Variants in PRKCE observed in about 807,000 individuals in gnomAD.
PRKCE encodes the protein protein kinase C epsilon.
A neutral mutation model predicts 85.4 loss-of-function variants in PRKCE; 16 were observed. The observed-to-expected ratio is 0.19, with a 90% CI of 0.13 to 0.28. PRKCE has a LOEUF of 0.28. Ranked by LOEUF, PRKCE falls within the 10% of genes least tolerant of loss-of-function variation. PRKCE has a pLI of 1.00. For missense variants in PRKCE, 573 were observed against 975.2 expected, an observed-to-expected ratio of 0.59 and a Z score of 5.49; for synonymous variants, 388 against 371.5, an observed-to-expected ratio of 1.04 and a Z score of -0.51.
intron 6 of PRKCE, among the ~76,000 whole-genome samples, chr2:45,984,934 TC>T (rs776111299): frequency 2.6e-5 from 4 of 152,108 alleles, no homozygotes; most frequent in Non-Finnish European, 5.9e-5. Flanking sequence ...TCACTCACAA[TC>T]TGGGGAGACA....
At chr2:45,662,128 C>A (rs971988439) in intron 1 of PRKCE, among the ~76,000 whole-genome samples, 4 of 152,090 alleles carry the variant, frequency 2.6e-5, no homozygotes, top group African/African-American at 7.2e-5. Context: ...TCATTTGGTA[C>A]AGTGCTGAAA....
intron 2 of PRKCE, among the ~76,000 whole-genome samples, chr2:45,881,235 G>C (rs961381084): frequency 5.9e-5 from 9 of 151,688 alleles, no homozygotes; most frequent in African/African-American, 1.9e-4. Context: ...ACCTTCTCCT[G>C]CTCTGTAGTA....
At chr2:46,116,445 A>G (rs1219007319) in intron 11 of PRKCE, among the ~76,000 whole-genome samples, 3 of 152,236 alleles carry the variant, frequency 2.0e-5, no homozygotes, top group Admixed American at 6.5e-5. Context: ...AAATAATTAG[A>G]TGATTAAGAA....
At chr2:45,839,859 T>C (rs866408525) in intron 1 of PRKCE, among the ~76,000 whole-genome samples, 12 of 152,248 alleles carry the variant, frequency 7.9e-5, no homozygotes, top group African/African-American at 2.4e-4. Flanking sequence ...TGCAAAGCTC[T>C]TTGTTGCTTT....
At chr2:45,696,969 T>A (rs1307523739) in intron 1 of PRKCE, among the ~76,000 whole-genome samples, 2 of 152,160 alleles carry the variant, frequency 1.3e-5, no homozygotes, top group Non-Finnish European at 2.9e-5. Flanking sequence ...CCCCACTTCC[T>A]TTTTATTCCA....
chr2:46,034,327 C>T (rs1707720584), intron 10 of PRKCE, among the ~76,000 whole-genome samples: 1 of 152,170 alleles, frequency 6.6e-6, no homozygotes, highest in Non-Finnish European at 1.5e-5. Context: ...AGCACTTACC[C>T]AACAGCACCA....
At chr2:45,914,690 A>G (rs772994787) in intron 2 of PRKCE, among the ~76,000 whole-genome samples, 10 of 152,248 alleles carry the variant, frequency 6.6e-5, no homozygotes, top group Non-Finnish European at 1.5e-4. Context: ...CCATAATCTG[A>G]TTAGAAATTT....
intron 2 of PRKCE, among the ~76,000 whole-genome samples, chr2:45,945,818 A>G (rs1276157309): frequency 6.6e-6 from 1 of 152,264 alleles, no homozygotes; most frequent in African/African-American, 2.4e-5. Context: ...ACCCCTTGAC[A>G]GAAAAGAATG....
intron 2 of PRKCE, among the ~76,000 whole-genome samples, chr2:45,928,758 C>T (rs184442750): frequency 6.6e-6 from 1 of 152,310 alleles, no homozygotes; most frequent in East Asian, 1.9e-4. Flanking sequence ...TCCTGCCCCC[C>T]ACTAATAGTG....
In PRKCE at chr2:46,139,879, T is replaced by C. The variant is rs1675342921; in HGVS notation, c.1593-5214T>C. On this transcript the variant is annotated intron_variant, in intron 11 of 14. Transcript: ENST00000306156. The surrounding 1 kb of genome is among the most constrained non-coding windows in gnomAD (Gnocchi z 5.2). ...CTCCAAGGGCAGCTTTTAATTCTAGTTCATGGCTGCGTAGCTATGTGCCTG... is the reference window on the plus strand; with the variant it reads ...CTCCAAGGGCAGCTTTTAATTCTAGCTCATGGCTGCGTAGCTATGTGCCTG... Among the ~76,000 whole-genome samples the C allele has an allele frequency of 6.6e-6, 1 of 152,120 alleles. No individual in the cohort carries two copies.
intron 1 of PRKCE, among the ~76,000 whole-genome samples, chr2:45,682,342 C>T (rs370036426): frequency 1.3e-5 from 2 of 152,058 alleles, no homozygotes; most frequent in Non-Finnish European, 2.9e-5. Context: ...TCTGAGAGTA[C>T]GAGGTAGGAA....
At chr2:45,902,003 A>G (rs573500801) in intron 2 of PRKCE, among the ~76,000 whole-genome samples, 25 of 152,340 alleles carry the variant, frequency 1.6e-4, no homozygotes, top group South Asian at 4.1e-4. Context: ...AAGAACTGAA[A>G]TCATCTGAAT....
chr2:45,817,680 C>A (rs1053081055), intron 1 of PRKCE, among the ~76,000 whole-genome samples: 1 of 152,054 alleles, frequency 6.6e-6, no homozygotes, highest in Non-Finnish European at 1.5e-5. Context: ...GGCAACAGAG[C>A]GAGACTCTGT....
chr2:45,743,095 G>T (rs1914310), intron 1 of PRKCE, among the ~76,000 whole-genome samples: 64,250 of 151,652 alleles, frequency 0.42, 15,537 homozygotes, highest in South Asian at 0.65. Context: ...AATGGTGGTT[G>T]CCAGGGGCTG....
intron 10 of PRKCE, among the ~76,000 whole-genome samples, chr2:46,051,855 G>A (rs1371972880): frequency 1.3e-5 from 2 of 152,140 alleles, no homozygotes; most frequent in Non-Finnish European, 2.9e-5. Flanking sequence ...CAATCATGGC[G>A]GAAGGCACCT....
At chr2:45,745,717 C>T (rs1272507176) in intron 1 of PRKCE, among the ~76,000 whole-genome samples, 1 of 152,108 alleles carries the variant, frequency 6.6e-6, no homozygotes, top group African/African-American at 2.4e-5. Flanking sequence ...CTAAGGGAGA[C>T]CACCGATAGG....
intron 10 of PRKCE, among the ~76,000 whole-genome samples, chr2:46,043,372 A>G (rs1381514992): frequency 6.6e-6 from 1 of 152,210 alleles, no homozygotes; most frequent in Non-Finnish European, 1.5e-5. Flanking sequence ...CTTTCATTCC[A>G]GCAGTGAAGG....
chr2:45,658,622 C>G (rs1675493042), intron 1 of PRKCE, among the ~76,000 whole-genome samples: 1 of 152,178 alleles, frequency 6.6e-6, no homozygotes, highest in Admixed American at 6.5e-5. Context: ...TCTTGACTTT[C>G]AGAGTTGCTA....
At chr2:45,855,353 A>C (rs1199811763) in intron 2 of PRKCE, among the ~76,000 whole-genome samples, 1 of 152,260 alleles carries the variant, frequency 6.6e-6, no homozygotes, top group Non-Finnish European at 1.5e-5. Context: ...GAATGCTTAA[A>C]AATCTTACAA....
Sources: gnomAD v4.1 joint callset for allele counts (sites outside exome capture counted in the v4.1 genomes callset) on GRCh38, gnomAD v4.1.1 for gene constraint, Gnocchi (gnomAD v3.1) non-coding constraint, MANE v1.5 for transcripts, NCBI Gene and HGNC (gene_info 2026-07-23, HGNC 2026-07-21) for gene names.